The following C21orf58 variants were observed in gnomAD, a reference collection of about 807,000 sequenced individuals.
The protein encoded by C21orf58 is uncharacterized protein C21orf58.
In C21orf58, 34 loss-of-function variants were observed where a neutral mutation model predicts 35.8. The observed-to-expected ratio is 0.95, with a 90% CI of 0.72 to 1.26. The LOEUF is 1.26. C21orf58 is among the 50% of genes most tolerant of loss of function. The probability of loss-of-function intolerance (pLI) is 0.00; values close to 1 mark genes in which losing one functional copy is unlikely to be tolerated. For missense variants in C21orf58, 440 were observed against 414.3 expected, an observed-to-expected ratio of 1.06 and a Z score of -0.54; for synonymous variants, 191 against 175.8, an observed-to-expected ratio of 1.09 and a Z score of -0.68.
At chr21:46,318,979 A>G in intron 1 of C21orf58, 1 of 424,116 alleles carries the variant, frequency 2.4e-6, no homozygotes, top group Non-Finnish European at 3.2e-6. Context: ...CCCGAGGGGC[A>G]GAGGTCAGCA....
intron 6 of C21orf58, among the ~76,000 whole-genome samples, chr21:46,308,714 G>A (rs1014287482): frequency 1.4e-4 from 21 of 152,138 alleles, no homozygotes; most frequent in Non-Finnish European, 3.1e-4. Flanking sequence ...TGGCAGTATT[G>A]AGAGGTGGGG....
intron 1 of C21orf58, 113 bp downstream of exon 1, chr21:46,322,526 C>T (rs1750279133): frequency 3.1e-6 from 4 of 1,307,948 alleles, no homozygotes; most frequent in Non-Finnish European, 3.9e-6. Context: ...CCCCTGCTCG[C>T]TTGGCTGTGT....
At position 46,302,083 on chromosome 21, in the gene C21orf58, G is replaced by C. The variant is rs912693049; in HGVS notation, c.885C>G (p.His295Gln). ...GTGGCCACACAGCATGGTGGTGGTG[G>C]TGGTGGTGGTGCACGGCAGGCAGCC... is the stretch of plus-strand genomic sequence containing the variant. ...RPRLPAVHHH[H>Q]HHHHAVWPPG... The change falls in exon 8 of 8, where the codon CAC becomes CAG. Residue 295 changes from histidine to glutamine, a missense_variant. His to Gln is a conservative substitution (Grantham distance 24, BLOSUM62 0). Transcript: ENST00000291691. 1.3e-6 allele frequency: 2 copies of C among 1,535,168 alleles called. No homozygotes were observed. The highest frequency in any genetic ancestry group is 2.0e-5 in the Admixed American group (1 of 49,812).
chr21:46,308,983 A>G (rs2082548207), intron 6 of C21orf58, among the ~76,000 whole-genome samples: 1 of 152,152 alleles, frequency 6.6e-6, no homozygotes, highest in African/African-American at 2.4e-5. Context: ...TGCACTCCCC[A>G]GTCTCTATAA....
intron 1 of C21orf58, 67 bp from the exon 2 acceptor site, chr21:46,318,287 C>A: frequency 6.3e-7 from 1 of 1,593,964 alleles, no homozygotes; most frequent in South Asian, 1.1e-5. Flanking sequence ...GCCCCAGAAG[C>A]CAGCGCTGGG....
Position 46,301,967 on chromosome 21 carries a change from G to A in C21orf58, c.*32C>T, listed in dbSNP as rs1190703967. On this transcript the variant is annotated 3_prime_UTR_variant, in exon 8 of 8. Transcript: ENST00000291691. Reference sequence around the variant, plus strand: ...GCCCTGAGGAAGCCTGGGGGTGGAGGGTGCCCCGGCCAGGGTCTCTGTGAC... The same window carrying A: ...GCCCTGAGGAAGCCTGGGGGTGGAGAGTGCCCCGGCCAGGGTCTCTGTGAC... 4 of 1,485,348 alleles carry A rather than the reference G, an allele frequency of 2.7e-6. No individual in the cohort carries two copies. Among genetic ancestry groups the A allele is most frequent in the Non-Finnish European group, 3.6e-6 (4 of 1,118,448 alleles). The allele number at this position is 1,485,348 out of a possible 1,614,324, so 92.0% of individuals were successfully genotyped here. A position where few individuals can be genotyped will look rare whatever the true frequency, so the allele number is the denominator to read the frequency against.
chr21:46,317,929 C>T lies in C21orf58; in HGVS notation c.309+83G>A, dbSNP rs766113206. 6.2e-5 allele frequency: 91 copies of T among 1,464,082 alleles called. 1 individual carries two copies. Among genetic ancestry groups the T allele is most frequent in the Non-Finnish European group, 8.2e-5 (88 of 1,072,592 alleles). The allele number at this position is 1,464,082 out of a possible 1,614,324, so 90.7% of individuals were successfully genotyped here. A position where few individuals can be genotyped will look rare whatever the true frequency, so the allele number is the denominator to read the frequency against. ...AGCCCTTGGGGCCCTGCATTCTGCA[C>T]CTGCAGGGCTGTCTCGAAGAGTCCC... On this transcript the variant is annotated intron_variant, in intron 2 of 7. Coordinates refer to ENST00000291691, the MANE Select transcript of C21orf58 (RefSeq NM_058180.5).
chr21:46,309,980 G>A lies in C21orf58; in HGVS notation c.721+1476C>T, dbSNP rs1239572256. Among the ~76,000 whole-genome samples, 4 of 151,854 alleles carry A rather than the reference G, an allele frequency of 2.6e-5. No homozygotes were observed. In the East Asian group the frequency reaches 7.7e-4, roughly 29 times the overall value. ...CCACTGCACTCCAGCCTAGGCGACA[G>A]GCAAGACTCTGTCTCAAAAATAAAA... On this transcript the variant is annotated intron_variant, in intron 6 of 7. Coordinates refer to ENST00000291691, the MANE Select transcript of C21orf58 (RefSeq NM_058180.5).
chr21:46,306,612 G>T (rs2082430519), intron 6 of C21orf58, among the ~76,000 whole-genome samples: 1 of 152,146 alleles, frequency 6.6e-6, no homozygotes, highest in Non-Finnish European at 1.5e-5. Flanking sequence ...TTTAGAGACA[G>T]GGTTTCACTC....
chr21:46,309,533 C>G (rs1021520512), intron 6 of C21orf58, among the ~76,000 whole-genome samples: 5 of 151,978 alleles, frequency 3.3e-5, no homozygotes, highest in Admixed American at 3.3e-4. Context: ...CATCCACCAA[C>G]AGGTGAATGC....
At chr21:46,320,838 AATGTTT>A (rs1261728618) in intron 1 of C21orf58, 4 of 152,148 alleles carry the variant, frequency 2.6e-5, no homozygotes, top group Admixed American at 2.0e-4. Context: ...CTTGATGTGG[AATGTTT>A]ATAACATTTA....
intron 7 of C21orf58, 49 bp downstream of exon 7, chr21:46,302,436 C>G (rs765264549): frequency 8.3e-6 from 12 of 1,437,662 alleles, no homozygotes; most frequent in Non-Finnish European, 1.2e-5. Context: ...AGAAAAACCA[C>G]CCAGGCCCTG....
chr21:46,312,030 TCCACCTAC>T (rs2082747605), intron 5 of C21orf58, among the ~76,000 whole-genome samples: 1 of 89,206 alleles, frequency 1.1e-5, no homozygotes, highest in Non-Finnish European at 2.2e-5. Flanking sequence ...CATCCACCCA[TCCACCTAC>T]CCAACCAACC....
intron 1 of C21orf58, chr21:46,318,448 G>T: frequency 7.1e-7 from 1 of 1,414,300 alleles, no homozygotes; most frequent in Non-Finnish European, 9.2e-7. Context: ...AGCAGCTGAG[G>T]CAGAGGGGCA....
At position 46,311,467 on chromosome 21, in the gene C21orf58, C is replaced by T; in HGVS notation, c.710G>A (p.Ser237Asn). The part of the protein sequence containing the change: ...PQAFPTQRSG[S>N]IKEDMVELLL... ...TATGGAACACTTACCTTCCTTAATA[C>T]TTCCTGACCGTTGAGTAGGGAAGGC... Residue 237 changes from serine to asparagine, a missense_variant, in exon 6 of 8, where the codon AGT (serine) becomes AAT (asparagine). By Grantham distance (46) the Ser-to-Asn change is conservative. Coordinates refer to ENST00000291691, the MANE Select transcript of C21orf58 (RefSeq NM_058180.5). The T allele has an allele frequency of 6.3e-7, 1 of 1,592,142 alleles. No individual in the cohort carries two copies. The highest frequency in any genetic ancestry group is 8.6e-7 in the Non-Finnish European group (1 of 1,163,836).
chr21:46,305,678 G>A (rs974782826), intron 6 of C21orf58, among the ~76,000 whole-genome samples: 3 of 152,240 alleles, frequency 2.0e-5, no homozygotes, highest in Middle Eastern at 3.4e-3. Context: ...GGTGGCTCAC[G>A]CCTGTAATCC....
intron 6 of C21orf58, among the ~76,000 whole-genome samples, chr21:46,308,832 G>T (rs11089060): frequency 0.22 from 33,081 of 151,782 alleles, 4,090 homozygotes; most frequent in Middle Eastern, 0.31. Context: ...ATCATGGGAG[G>T]AGAAATGGTG....
intron 1 of C21orf58, chr21:46,320,922 T>A (rs746288277): frequency 7.2e-5 from 11 of 152,258 alleles, no homozygotes; most frequent in Non-Finnish European, 1.3e-4. Flanking sequence ...GACTTGAGCC[T>A]GTGTGCCCAC....
At chr21:46,320,446 T>C (rs1435769262) in intron 1 of C21orf58, among the ~76,000 whole-genome samples, 1 of 140,828 alleles carries the variant, frequency 7.1e-6, no homozygotes, top group African/African-American at 2.7e-5. Context: ...CAGGCGGAAG[T>C]TGCAGTGAGC....
Sources: gnomAD v4.1 joint callset for allele counts (sites outside exome capture counted in the v4.1 genomes callset) on GRCh38, gnomAD v4.1.1 for gene constraint, MANE v1.5 for transcripts, NCBI Gene and HGNC (gene_info 2026-07-23, HGNC 2026-07-21) for gene names.